Variants in GNA12 observed in about 807,000 individuals in gnomAD.
GNA12 encodes the protein guanine nucleotide-binding protein subunit alpha-12.
GNA12 carries 9 observed loss-of-function variants against 26.0 expected under a neutral mutation model. That is an observed-to-expected ratio of 0.35 (90% CI 0.21 to 0.60). GNA12 has a LOEUF of 0.60. GNA12 is among the 20% of genes least tolerant of loss of function. The pLI is 0.78. For missense variants in GNA12, 405 were observed against 525.8 expected, an observed-to-expected ratio of 0.77 and a Z score of 2.25; for synonymous variants, 264 against 219.6, an observed-to-expected ratio of 1.20 and a Z score of -1.79.
At chr7:2,755,963 A>C (rs1791273639) in intron 2 of GNA12, among the ~76,000 whole-genome samples, 1 of 152,230 alleles carries the variant, frequency 6.6e-6, no homozygotes, top group Non-Finnish European at 1.5e-5. Context: ...GTAGAAATTG[A>C]CAAGCTCATT....
At chr7:2,777,578 TAAG>T (rs1429347419) in intron 2 of GNA12, among the ~76,000 whole-genome samples, 5 of 152,120 alleles carry the variant, frequency 3.3e-5, no homozygotes, top group African/African-American at 1.2e-4. Context: ...AGTGCCCTTA[TAAG>T]AAGACGGAGA....
chr7:2,841,301 G>T (rs1713920), intron 1 of GNA12, among the ~76,000 whole-genome samples: 3 of 152,014 alleles, frequency 2.0e-5, no homozygotes, highest in Non-Finnish European at 2.9e-5. Flanking sequence ...ACTTCATACA[G>T]GGATTTAGAT....
chr7:2,822,739 A>C (rs758982702), intron 1 of GNA12, among the ~76,000 whole-genome samples: 1 of 152,292 alleles, frequency 6.6e-6, no homozygotes, highest in East Asian at 1.9e-4. Flanking sequence ...TTGAGTCCAG[A>C]AAGTAAAGGC....
rs1789792017 is a variant in GNA12 at position 2,729,692 on chromosome 7, G to A, written c.*1489C>T. On this transcript the variant is annotated 3_prime_UTR_variant, in exon 4 of 4. Coordinates refer to ENST00000275364, the MANE Select transcript of GNA12 (RefSeq NM_007353.3). ...AGCACGGCCTCGGGACGAGGGCCCT[G>A]GGATATGTGACTGAGCCACAGCAAC... 6.6e-6 allele frequency: 1 copy of A among 152,392 alleles called. No individual in the cohort carries two copies. Among genetic ancestry groups the A allele is most frequent in the Non-Finnish European group, 1.5e-5 (1 of 68,066 alleles). 9.4% of individuals were successfully genotyped at this position (152,392 alleles called of 1,614,324 possible).
At chr7:2,734,866 C>T (rs995148525) in intron 2 of GNA12, among the ~76,000 whole-genome samples, 6 of 152,200 alleles carry the variant, frequency 3.9e-5, no homozygotes, top group Admixed American at 1.3e-4. Context: ...CAGGCAGAGG[C>T]CCAGCTCTGC....
intron 2 of GNA12, among the ~76,000 whole-genome samples, chr7:2,755,018 C>T (rs1187998338): frequency 1.3e-5 from 2 of 152,202 alleles, no homozygotes; most frequent in African/African-American, 2.4e-5. Flanking sequence ...CAGTCCAGCA[C>T]CCTTTGTTGA....
In GNA12 at chr7:2,731,045, A is replaced by G. The variant is rs979644809; in HGVS notation, c.*136T>C. ...GAGCTCGCTGGCTGGCTGGTCTGAC[A>G]GCATTCCTGAGCCAGGTATTCCAGG... On this transcript the variant is annotated 3_prime_UTR_variant, in exon 4 of 4. Transcript: ENST00000275364. The surrounding 1 kb of genome is among the most constrained non-coding windows in gnomAD (Gnocchi z 6.0). 81 of 609,520 alleles carry G rather than the reference A, an allele frequency of 1.3e-4. No individual in the cohort carries two copies. Among genetic ancestry groups the G allele is most frequent in the Non-Finnish European group, 2.1e-4 (73 of 348,050 alleles). The allele number at this position is 609,520 out of a possible 1,614,324, so 37.8% of individuals were successfully genotyped here.
At position 2,731,712 on chromosome 7, in the gene GNA12, C is replaced by T; in HGVS notation, c.615G>A (p.Arg205=). 2 of 1,577,382 alleles carry T rather than the reference C, an allele frequency of 1.3e-6. No individual in the cohort carries two copies. The highest frequency in any genetic ancestry group is 1.7e-6 in the Non-Finnish European group (2 of 1,157,540). The change falls in exon 4 of 4, where the codon AGG becomes AGA. Residue 205 remains arginine, a synonymous_variant. Transcript: ENST00000275364. The surrounding 1 kb of genome is among the most constrained non-coding windows in gnomAD (Gnocchi z 6.0). ...GCTCCACAATTCCCTTGGTGGCTTTCCTAGCCAGCAGGATATCTTGCTTAC... is the reference window on the plus strand; with the variant it reads ...GCTCCACAATTCCCTTGGTGGCTTTTCTAGCCAGCAGGATATCTTGCTTAC... ...FPSKQDILLA[R]KATKGIVEHD... is the part of the protein sequence containing the mutation.
At chr7:2,830,184 C>G (rs143911780) in intron 1 of GNA12, among the ~76,000 whole-genome samples, 42 of 152,288 alleles carry the variant, frequency 2.8e-4, no homozygotes, top group African/African-American at 9.6e-4. Flanking sequence ...TCTTTCTTGC[C>G]TCAATACTAC....
At position 2,843,928 on chromosome 7, in the gene GNA12, G is replaced by A. The variant is rs775249735; in HGVS notation, c.234C>T (p.Arg78=). The A allele has an allele frequency of 3.8e-6, 6 of 1,591,726 alleles. No individual in the cohort carries two copies. The South Asian group carries it at 4.6e-5, about 12-fold the overall frequency. ...SGKSTFLKQM[R]IIHGREFDQK... ...GGTCGAACTCGCGGCCGTGGATGATGCGCATCTGCTTGAGGAACGTGGACT... is the reference window on the plus strand; with the variant it reads ...GGTCGAACTCGCGGCCGTGGATGATACGCATCTGCTTGAGGAACGTGGACT... The change falls in exon 1 of 4, where the codon CGC becomes CGT. Residue 78 remains arginine (R), a synonymous_variant. Transcript: ENST00000275364.
intron 2 of GNA12, among the ~76,000 whole-genome samples, chr7:2,777,894 G>A (rs528273353): frequency 3.9e-5 from 6 of 152,330 alleles, no homozygotes; most frequent in Admixed American, 3.9e-4. Context: ...GAACTCATAA[G>A]CAAGGAAATT....
Position 2,844,276 on chromosome 7 carries a change from C to T in GNA12, c.-115G>A. The T allele has an allele frequency of 5.0e-6, 2 of 401,104 alleles. No individual in the cohort carries two copies. The highest frequency in any genetic ancestry group is 1.9e-4 in the South Asian group (2 of 10,646). The allele number at this position is 401,104 out of a possible 1,614,324, so 24.8% of individuals were successfully genotyped here. On this transcript the variant is annotated 5_prime_UTR_variant, in exon 1 of 4. Transcript: ENST00000275364. ...CCACGCCCCGCCGCTCGCCTCAGGC[C>T]GCGTCCGCCGCCGCCGCTGCAGTCG...
chr7:2,754,599 T>G, intron 2 of GNA12, among the ~76,000 whole-genome samples: 1 of 150,164 alleles, frequency 6.7e-6, no homozygotes, highest in Non-Finnish European at 1.5e-5. Flanking sequence ...AAAAAAAAAA[T>G]TAGCCAGGTA....
At chr7:2,753,073 GTA>G (rs1791114748) in intron 2 of GNA12, among the ~76,000 whole-genome samples, 1 of 151,962 alleles carries the variant, frequency 6.6e-6, no homozygotes, top group Admixed American at 6.6e-5. Flanking sequence ...TCTCTAGAAT[GTA>G]TAGTCACTGA....
chr7:2,804,670 A>G (rs1792900260), intron 1 of GNA12, among the ~76,000 whole-genome samples: 2 of 152,216 alleles, frequency 1.3e-5, no homozygotes, highest in South Asian at 2.1e-4. Context: ...GGTTTTCATT[A>G]AACATATTCT....
intron 2 of GNA12, among the ~76,000 whole-genome samples, chr7:2,759,510 A>T (rs1478287016): frequency 6.6e-6 from 1 of 152,254 alleles, no homozygotes; most frequent in East Asian, 1.9e-4. Context: ...AATAGGTGGT[A>T]AAAAGACAAG....
At position 2,778,972 on chromosome 7, in the gene GNA12, T is replaced by G. The variant is rs1196199926; in HGVS notation, c.525+15956A>C. On this transcript the variant is annotated intron_variant, in intron 2 of 3. Transcript: ENST00000275364. ...TATTTAACCAGAATTATTTCAACTG[T>G]AAGCCTTCTTTCAGGAATAATACAT... Among the ~76,000 whole-genome samples the G allele has an allele frequency of 3.9e-5, 6 of 152,348 alleles. No individual in the cohort carries two copies. In the East Asian group the frequency reaches 1.2e-3, roughly 29 times the overall value.
chr7:2,814,736 C>T (rs1793174195), intron 1 of GNA12: 4 of 733,112 alleles, frequency 5.5e-6, no homozygotes, highest in African/African-American at 1.8e-5. Context: ...CATATAACGG[C>T]CTTCCACAGA....
intron 2 of GNA12, among the ~76,000 whole-genome samples, chr7:2,766,398 T>C (rs943887619): frequency 6.6e-6 from 1 of 151,496 alleles, no homozygotes; most frequent in African/African-American, 2.4e-5. Flanking sequence ...TTTTTTTTTT[T>C]TTTTTTGAGA....
Sources: gnomAD v4.1 joint callset for allele counts (sites outside exome capture counted in the v4.1 genomes callset) on GRCh38, gnomAD v4.1.1 for gene constraint, Gnocchi (gnomAD v3.1) non-coding constraint, MANE v1.5 for transcripts, NCBI Gene and HGNC (gene_info 2026-07-23, HGNC 2026-07-21) for gene names.